SAFB2: variants seen among roughly 807,000 people sequenced by gnomAD.
SAFB2 encodes scaffold attachment factor B2.
In SAFB2, 32 loss-of-function variants were observed where a neutral mutation model predicts 100.6. The observed-to-expected ratio is 0.32, with a 90% CI of 0.24 to 0.43. The LOEUF (loss-of-function observed/expected upper bound fraction) is 0.43. Among genes scored for constraint, SAFB2 ranks in the 20% least tolerant of loss-of-function variants. SAFB2 has a pLI of 1.00. For synonymous variants in SAFB2, 500 were observed against 439.4 expected (o/e 1.14, Z -1.72); for missense variants, 1,185 against 1,163.4 (o/e 1.02, Z -0.27).
intron 13 of SAFB2, 43 bp from the exon 14 acceptor site, chr19:5,595,540 C>CAAAA: frequency 6.2e-7 from 1 of 1,606,284 alleles, no homozygotes; most frequent in Non-Finnish European, 8.5e-7. Context: ...AAAATGATTG[C>CAAAA]AACAAACAAA....
Position 5,587,042 on chromosome 19 carries a change from A to C in SAFB2, c.*201T>G, listed in dbSNP as rs968770014. On this transcript the variant is annotated 3_prime_UTR_variant, in exon 21 of 21. Coordinates refer to ENST00000252542, the MANE Select transcript of SAFB2 (RefSeq NM_014649.3). This position sits in a 1 kb window ranked among gnomAD's most constrained non-coding sequence, Gnocchi z 4.9. ...TTAATGGAAAATGGAATGCCTCGTT[A>C]ACAGAAACCTTGATTTAAAAATGGC... 2.8e-6 allele frequency: 2 copies of C among 718,034 alleles called. No homozygotes were observed. The highest frequency in any genetic ancestry group is 4.5e-6 in the Non-Finnish European group (2 of 445,606). The allele number at this position is 718,034 out of a possible 1,614,324, so 44.5% of individuals were successfully genotyped here.
chr19:5,602,304 C>A (rs1333657809), intron 11 of SAFB2, among the ~76,000 whole-genome samples: 1 of 151,378 alleles, frequency 6.6e-6, no homozygotes, highest in Non-Finnish European at 1.5e-5. Flanking sequence ...AGTGAAACCC[C>A]GTCTCAACTA....
Position 5,604,903 on chromosome 19 carries a change from T to C in SAFB2, c.1330A>G (p.Ser444Gly). The change falls in exon 10 of 21, where the codon AGC becomes GGC. Residue 444 changes from serine (S) to glycine (G), a missense_variant. Ser to Gly is a moderately conservative substitution (Grantham distance 56). Around this residue, in one of 3 missense-constraint regions of SAFB2, gnomAD observed 94 missense variants for 135.1 expected, o/e 0.70. Transcript: ENST00000252542. ...VGAKVVTNAR[S>G]PGARCYGFVT... ...AATCCATAGCATCGAGCCCCCGGGC[T>C]GCGGGCGTTCGTTACCACTTTGGCC... 1 of 1,613,838 alleles carries C rather than the reference T, an allele frequency of 6.2e-7. No individual in the cohort carries two copies. The highest frequency in any genetic ancestry group is 8.5e-7 in the Non-Finnish European group (1 of 1,180,030).
intron 3 of SAFB2, 26 bp downstream of exon 3, chr19:5,616,396 G>A (rs201350233): frequency 1.2e-6 from 2 of 1,613,922 alleles, no homozygotes; most frequent in East Asian, 4.5e-5. Context: ...GCTGCTGCTT[G>A]TCATCTCTAC....
At position 5,587,476 on chromosome 19, in the gene SAFB2, C is replaced by A; in HGVS notation, c.2706-77G>T. ...ATCGTAACATGGGTTCAGTAACGGT[C>A]CCGCAGCCTTTAGAGCGCTTGGGTT... On this transcript the variant is annotated intron_variant, in intron 20 of 20. Transcript: ENST00000252542. The surrounding 1 kb of genome is among the most constrained non-coding windows in gnomAD (Gnocchi z 4.9). The A allele has an allele frequency of 2.0e-6, 3 of 1,525,974 alleles. No homozygotes were observed. The highest frequency in any genetic ancestry group is 1.2e-5 in the South Asian group (1 of 81,602). The allele number at this position is 1,525,974 out of a possible 1,614,324, so 94.5% of individuals were successfully genotyped here.
Position 5,590,341 on chromosome 19 carries a change from C to T in SAFB2, c.2462G>A (p.Gly821Asp). The T allele has an allele frequency of 6.2e-7, 1 of 1,610,804 alleles. No homozygotes were observed. The highest frequency in any genetic ancestry group is 8.5e-7 in the Non-Finnish European group (1 of 1,179,022). The change falls in exon 18 of 21, where the codon GGC becomes GAC. Residue 821 changes from glycine (G) to aspartate (D), a missense_variant. Gly to Asp is a moderately conservative substitution (Grantham distance 94, BLOSUM62 -1). Coordinates refer to ENST00000252542, the MANE Select transcript of SAFB2 (RefSeq NM_014649.3). ...CTTGTCGGAGCCGTAGCCCCCCCAGCCATCACGGGAGTCCCGGCCGTGGCG... is the reference window on the plus strand; with the variant it reads ...CTTGTCGGAGCCGTAGCCCCCCCAGTCATCACGGGAGTCCCGGCCGTGGCG... ...PERHGRDSRD[G>D]WGGYGSDKRL...
At chr19:5,600,286 T>C in intron 11 of SAFB2, 26 bp from the exon 12 acceptor site, 1 of 1,609,786 alleles carries the variant, frequency 6.2e-7, no homozygotes, top group Non-Finnish European at 8.5e-7. Flanking sequence ...GTTATCAAAT[T>C]TGAGTTCACA....
At chr19:5,608,608 C>A (rs551201924) in intron 9 of SAFB2, among the ~76,000 whole-genome samples, 2 of 152,170 alleles carry the variant, frequency 1.3e-5, no homozygotes, top group Non-Finnish European at 2.9e-5. Flanking sequence ...GACAAAGGAA[C>A]GGCTTCTGTA....
At chr19:5,591,031 C>T (rs971695761) in intron 17 of SAFB2, among the ~76,000 whole-genome samples, 1 of 152,142 alleles carries the variant, frequency 6.6e-6, no homozygotes, top group Admixed American at 6.5e-5. Context: ...CCACCAAGCA[C>T]GGACTTGAAA....
intron 2 of SAFB2, among the ~76,000 whole-genome samples, chr19:5,621,016 G>A (rs540749583): frequency 1.3e-5 from 2 of 152,152 alleles, no homozygotes; most frequent in Non-Finnish European, 2.9e-5. Flanking sequence ...CCTCAGACCC[G>A]TAGAAGTAGC....
At chr19:5,610,847 CA>C in intron 7 of SAFB2, 159 bp from the exon 8 acceptor site, 2 of 755,048 alleles carry the variant, frequency 2.6e-6, no homozygotes, top group Non-Finnish European at 4.2e-6. Flanking sequence ...AATCTGACCC[CA>C]AAAATACAAT....
intron 8 of SAFB2, 87 bp downstream of exon 8, chr19:5,610,552 G>T: frequency 4.2e-6 from 4 of 956,326 alleles, no homozygotes; most frequent in East Asian, 2.5e-5. Context: ...ACAAATTACT[G>T]AATCCAAAGT....
intron 6 of SAFB2, chr19:5,612,288 A>T (rs961655069): frequency 3.7e-6 from 2 of 539,438 alleles, no homozygotes; most frequent in Non-Finnish European, 6.5e-6. Context: ...ATTAAATGCC[A>T]CTCTACGTGG....
At chr19:5,594,345 G>A in intron 14 of SAFB2, 167 bp from the exon 15 acceptor site, 1 of 387,918 alleles carries the variant, frequency 2.6e-6, no homozygotes, top group Non-Finnish European at 3.5e-6. Flanking sequence ...ACTTAACAAA[G>A]CTACCTTAAG....
intron 2 of SAFB2, among the ~76,000 whole-genome samples, chr19:5,619,222 C>T (rs535572671): frequency 6.6e-6 from 1 of 152,322 alleles, no homozygotes; most frequent in South Asian, 2.1e-4. Context: ...CCCGACACCT[C>T]TAGAGAACAT....
intron 2 of SAFB2, 119 bp downstream of exon 2, chr19:5,621,190 G>A (rs2053133452): frequency 8.3e-6 from 6 of 725,546 alleles, no homozygotes; most frequent in Admixed American, 5.4e-5. Context: ...CTAACTCTTA[G>A]TGGAGGGACA....
chr19:5,609,917 C>G, intron 9 of SAFB2, 78 bp downstream of exon 9: 1 of 1,261,166 alleles, frequency 7.9e-7, no homozygotes, highest in Non-Finnish European at 1.1e-6. Context: ...GGATTATAGA[C>G]GTGAACCACC....
rs530338616 is a variant in SAFB2, at chr19:5,590,203, C to T, written c.2525+75G>A. 2.2e-3 allele frequency: 2,817 copies of T among 1,296,704 alleles called. 7 individuals are homozygous for T. The highest frequency in any genetic ancestry group is 2.7e-3 in the Non-Finnish European group (2,668 of 974,338). 80.3% of individuals were successfully genotyped at this position (1,296,704 alleles called of 1,614,324 possible). On this transcript the variant is annotated intron_variant, in intron 18 of 20. Transcript: ENST00000252542. ...CCCTAGCTGAATCAAACCTTGGGGA[C>T]GTGCCTGGCCAGGCACCAACCTTTT...
At chr19:5,617,384 G>A (rs2053055303) in intron 2 of SAFB2, among the ~76,000 whole-genome samples, 1 of 152,138 alleles carries the variant, frequency 6.6e-6, no homozygotes, top group Non-Finnish European at 1.5e-5. Flanking sequence ...ATTGCAAAAG[G>A]AGGCCAGAGG....
Sources: allele counts gnomAD v4.1 joint callset (sites outside exome capture counted in the v4.1 genomes callset), GRCh38; gene constraint gnomAD v4.1.1; regional missense constraint gnomAD v4.1.1; non-coding constraint Gnocchi (gnomAD v3.1); transcripts MANE v1.5; gene names NCBI Gene and HGNC (gene_info 2026-07-23, HGNC 2026-07-21).